The following CYP4F22 variants were observed in gnomAD, a reference collection of about 807,000 sequenced individuals.
The protein encoded by CYP4F22 is ultra-long-chain fatty acid omega-hydroxylase.
Under a neutral mutation model 60.4 loss-of-function variants are expected in CYP4F22, and 37 were observed. The observed-to-expected ratio is 0.61, with a 90% CI of 0.47 to 0.81. The LOEUF is 0.81. CYP4F22 is among the 30% of genes least tolerant of loss of function. The pLI, the probability that CYP4F22 is intolerant of heterozygous loss-of-function variation, is 0.00. For synonymous variants in CYP4F22, 258 were observed against 280.5 expected (o/e 0.92, Z 0.80); for missense variants, 655 against 715.0 (o/e 0.92, Z 0.96).
rs1331208798 is a variant in CYP4F22 at position 15,544,313 on chromosome 19, G to A, written c.1136+34G>A. 1.9e-6 allele frequency: 3 copies of A among 1,604,074 alleles called. No homozygotes were observed. The South Asian group carries it at 3.3e-5, about 18-fold the overall frequency. ...GGGGTCAGGGGAATGGAGGGGGCAG[G>A]TTGAGGCCAGAGCCTTGGGTGTAAG... On this transcript the variant is annotated intron_variant, in intron 10 of 13. Transcript: ENST00000269703.
intron 10 of CYP4F22, among the ~76,000 whole-genome samples, chr19:15,545,870 TGA>T (rs2144541928): frequency 6.6e-6 from 1 of 152,150 alleles, no homozygotes; most frequent in Admixed American, 6.5e-5. Flanking sequence ...TGTCTCAGGT[TGA>T]GAGAGTTGGG....
chr19:15,548,806 C>T (rs1332964657), intron 11 of CYP4F22, among the ~76,000 whole-genome samples: 1 of 152,074 alleles, frequency 6.6e-6, no homozygotes, highest in Non-Finnish European at 1.5e-5. Flanking sequence ...TTTGAAAGGC[C>T]TTGAGTGCCA....
rs775348727 is a variant in CYP4F22, at chr19:15,550,662, G to A, written c.1336-12G>A. The stretch of plus-strand genomic sequence containing the variant: ...CAGCCCCCAGACTCATCTCCAGGCT[G>A]TTCCTCCCTAGGTGTACAACCCCTA... On this transcript the variant is annotated splice_polypyrimidine_tract_variant and intron_variant, in intron 12 of 13. Coordinates refer to ENST00000269703, the MANE Select transcript of CYP4F22 (RefSeq NM_173483.4). 3 of 1,614,112 alleles carry A rather than the reference G, an allele frequency of 1.9e-6. No homozygotes were observed. Among genetic ancestry groups the A allele is most frequent in the Non-Finnish European group, 2.5e-6 (3 of 1,179,990 alleles).
intron 2 of CYP4F22, among the ~76,000 whole-genome samples, chr19:15,524,608 G>A (rs1599795279): frequency 2.0e-5 from 3 of 151,966 alleles, no homozygotes; most frequent in African/African-American, 7.2e-5. Flanking sequence ...CCGTGATCAT[G>A]CCACTGCACT....
intron 10 of CYP4F22, among the ~76,000 whole-genome samples, chr19:15,546,354 C>T (rs1053969190): frequency 6.6e-5 from 10 of 152,128 alleles, no homozygotes; most frequent in Non-Finnish European, 1.0e-4. Context: ...GAGGCTAAGG[C>T]GGGTGGATCA....
intron 1 of CYP4F22, among the ~76,000 whole-genome samples, chr19:15,510,966 ATT>A (rs1555726127): frequency 0.2 from 20,339 of 102,242 alleles, 2,128 homozygotes; most frequent in Non-Finnish European, 0.24. Context: ...ATATATATAT[ATT>A]TTTTTTTTTT....
chr19:15,540,810 C>A, intron 8 of CYP4F22, 93 bp downstream of exon 8: 2 of 1,505,742 alleles, frequency 1.3e-6, no homozygotes, highest in African/African-American at 1.4e-5. Context: ...CTCCATTAGG[C>A]GTGGTGGCTC....
intron 4 of CYP4F22, 117 bp from the exon 5 acceptor site, chr19:15,537,244 T>A: frequency 7.4e-7 from 1 of 1,346,200 alleles, no homozygotes; most frequent in Non-Finnish European, 1.1e-6. Context: ...GAGGTTGCAG[T>A]GAGTGGAGAT....
chr19:15,543,303 C>T (rs1025740024), intron 8 of CYP4F22, among the ~76,000 whole-genome samples: 1 of 152,122 alleles, frequency 6.6e-6, no homozygotes, highest in Non-Finnish European at 1.5e-5. Flanking sequence ...GGGCTTAATC[C>T]TCCTGCCTCA....
chr19:15,532,890 G>A (rs890775613), intron 4 of CYP4F22, among the ~76,000 whole-genome samples: 15 of 152,348 alleles, frequency 9.8e-5, no homozygotes, highest in African/African-American at 3.4e-4. Flanking sequence ...AAGCCAGATA[G>A]GGAACTCCAG....
At chr19:15,516,151 T>C (rs1430750562) in intron 1 of CYP4F22, 1 of 152,268 alleles carries the variant, frequency 6.6e-6, no homozygotes, top group Non-Finnish European at 1.5e-5. Flanking sequence ...TCTATGTCTT[T>C]GTACTTTAAC....
intron 1 of CYP4F22, among the ~76,000 whole-genome samples, chr19:15,522,726 T>G (rs1971239519): frequency 6.6e-6 from 1 of 152,130 alleles, no homozygotes; most frequent in Non-Finnish European, 1.5e-5. Context: ...TTTATTTTGT[T>G]TCGAGACGGA....
rs543599917 is a variant in CYP4F22, at chr19:15,534,122, C to G, written c.368-3239C>G. ...TGATGCCAATAAATAATCATTTTAA[C>G]CATAGTAATAAAAATAGCCAACAGT... On this transcript the variant is annotated intron_variant, in intron 4 of 13. Coordinates refer to ENST00000269703, the MANE Select transcript of CYP4F22 (RefSeq NM_173483.4). Among the ~76,000 whole-genome samples the G allele has an allele frequency of 2.0e-4, 31 of 152,272 alleles. 1 individual carries two copies. Among genetic ancestry groups the G allele is most frequent in the Middle Eastern group, 3.4e-3 (1 of 294 alleles).
intron 12 of CYP4F22, 76 bp from the exon 13 acceptor site, chr19:15,550,598 A>G: frequency 6.8e-7 from 1 of 1,462,868 alleles, no homozygotes; most frequent in Non-Finnish European, 9.6e-7. Context: ...ACTGACCCCC[A>G]GAGGCTCAGG....
intron 8 of CYP4F22, among the ~76,000 whole-genome samples, chr19:15,541,002 G>T (rs569507307): frequency 6.6e-6 from 1 of 152,312 alleles, no homozygotes; most frequent in African/African-American, 2.4e-5. Context: ...TCTGGCTTGA[G>T]CCCAGGAGTT....
rs1178492073 is a variant in CYP4F22, at chr19:15,549,120, T to A, written c.1271-18T>A. 6.2e-7 allele frequency: 1 copy of A among 1,613,774 alleles called. No individual in the cohort carries two copies. Among genetic ancestry groups the A allele is most frequent in the African/African-American group, 1.3e-5 (1 of 74,828 alleles). ...CCCTGGCTCCCCTTGGCCCCACTGATCCCATCTTTCCCCACAGGAATCATC... is the reference window on the plus strand; with the variant it reads ...CCCTGGCTCCCCTTGGCCCCACTGAACCCATCTTTCCCCACAGGAATCATC... On this transcript the variant is annotated intron_variant, in intron 11 of 13. Coordinates refer to ENST00000269703, the MANE Select transcript of CYP4F22 (RefSeq NM_173483.4).
chr19:15,509,069 T>C (rs73512616), intron 1 of CYP4F22, among the ~76,000 whole-genome samples: 12,499 of 152,104 alleles, frequency 0.082, 1,099 homozygotes, highest in African/African-American at 0.22. Flanking sequence ...GGCTTGTGGT[T>C]CAACTGCTAT....
intron 7 of CYP4F22, 132 bp from the exon 8 acceptor site, chr19:15,540,318 T>C: frequency 9.0e-7 from 1 of 1,113,234 alleles, no homozygotes; most frequent in Non-Finnish European, 1.3e-6. Flanking sequence ...TAAATGAATT[T>C]AAAAATAGAG....
At chr19:15,550,641 C>A in intron 12 of CYP4F22, 33 bp from the exon 13 acceptor site, 1 of 1,611,930 alleles carries the variant, frequency 6.2e-7, no homozygotes, top group Non-Finnish European at 8.5e-7. Flanking sequence ...CTGGGGCAGC[C>A]CCCAGACTCA....
Sources: allele counts gnomAD v4.1 joint callset (sites outside exome capture counted in the v4.1 genomes callset), GRCh38; gene constraint gnomAD v4.1.1; transcripts MANE v1.5; gene names NCBI Gene and HGNC (gene_info 2026-07-23, HGNC 2026-07-21).